The following NTSR1 variants were observed in gnomAD, a reference collection of about 807,000 sequenced individuals.
The protein encoded by NTSR1 is neurotensin receptor type 1.
A neutral mutation model predicts 31.2 loss-of-function variants in NTSR1; 29 were observed. The ratio of observed to expected loss-of-function variants is 0.93; its 90% CI spans 0.69 to 1.27. NTSR1 has a LOEUF of 1.27. Ranked by LOEUF, NTSR1 falls within the 50% of genes most tolerant of loss-of-function variation. The pLI is 0.00. For missense variants in NTSR1, 697 were observed against 595.4 expected (o/e 1.17, Z -1.78); for synonymous variants, 282 against 269.9 (o/e 1.04, Z -0.44).
chr20:62,729,269 A>T (rs941537644), intron 1 of NTSR1, among the ~76,000 whole-genome samples: 3 of 152,200 alleles, frequency 2.0e-5, no homozygotes, highest in Admixed American at 2.0e-4. Context: ...GGGAGAGAGT[A>T]GCTCCCTGGG....
intron 1 of NTSR1, among the ~76,000 whole-genome samples, chr20:62,710,714 G>A (rs1016922554): frequency 6.6e-6 from 1 of 152,218 alleles, no homozygotes; most frequent in African/African-American, 2.4e-5. Flanking sequence ...GTTTGGCTGA[G>A]GTTCGTGGCA....
At chr20:62,752,143 C>T (rs906556818) in intron 1 of NTSR1, among the ~76,000 whole-genome samples, 4 of 152,192 alleles carry the variant, frequency 2.6e-5, no homozygotes, top group Admixed American at 6.5e-5. Flanking sequence ...GTGATCTCAA[C>T]GGGTCCTTCT....
In NTSR1 at chr20:62,751,358, G is replaced by A. The variant is rs959360200; in HGVS notation, c.715-3327G>A. Among the ~76,000 whole-genome samples the A allele has an allele frequency of 5.9e-5, 9 of 152,234 alleles. No individual in the cohort carries two copies. In the East Asian group the frequency reaches 1.7e-3, roughly 29 times the overall value. ...TGGGGTAAGATCTCTATGAGTTAGG[G>A]TACTAACTCCAGGAACTAAGTCAAA... On this transcript the variant is annotated intron_variant, in intron 1 of 3. Coordinates refer to ENST00000370501, the MANE Select transcript of NTSR1 (RefSeq NM_002531.3).
Position 62,723,479 on chromosome 20 carries a change from G to A in NTSR1, c.714+13558G>A, listed in dbSNP as rs544145951. 8.5e-5 allele frequency among the ~76,000 whole-genome samples: 13 copies of A among 152,336 alleles called. No individual in the cohort carries two copies. In the East Asian group the frequency reaches 1.7e-3, roughly 20 times the overall value. ...AGGAACGCTCATTTGTCCACCTGTC[G>A]ACTTCAGGCTGCGTGCCCAGCAGGA... On this transcript the variant is annotated intron_variant, in intron 1 of 3. Transcript: ENST00000370501.
chr20:62,714,065 A>G lies in NTSR1; in HGVS notation c.714+4144A>G, dbSNP rs1222139720. Reference sequence around the variant, plus strand: ...CAGTGAGCCAAGATCACACCACTGCACTCCAGCCTGGGTGACAACTGTCTC... The same window carrying G: ...CAGTGAGCCAAGATCACACCACTGCGCTCCAGCCTGGGTGACAACTGTCTC... On this transcript the variant is annotated intron_variant, in intron 1 of 3. Coordinates refer to ENST00000370501, the MANE Select transcript of NTSR1 (RefSeq NM_002531.3). This position sits in a 1 kb window ranked among gnomAD's most constrained non-coding sequence, Gnocchi z 4.1. 6.6e-6 allele frequency among the ~76,000 whole-genome samples: 1 copy of G among 152,124 alleles called. No individual in the cohort carries two copies. Among genetic ancestry groups the G allele is most frequent in the Non-Finnish European group, 1.5e-5 (1 of 68,014 alleles).
Position 62,708,898 on chromosome 20 carries a change from C to A in NTSR1, c.-310C>A. On this transcript the variant is annotated 5_prime_UTR_variant, in exon 1 of 4. Coordinates refer to ENST00000370501, the MANE Select transcript of NTSR1 (RefSeq NM_002531.3). This position sits in a 1 kb window ranked among gnomAD's most constrained non-coding sequence, Gnocchi z 5.9. ...CTGTCCTCGGGGGCCTGGGGAACCG[C>A]GCGGTTTGGAGATCGGAGGCACCTG... The A allele has an allele frequency of 9.2e-6, 3 of 327,124 alleles. No homozygotes were observed. The highest frequency in any genetic ancestry group is 2.1e-5 in the African/African-American group (1 of 46,632). The allele number at this position is 327,124 out of a possible 1,614,324, so 20.3% of individuals were successfully genotyped here.
At position 62,709,574 on chromosome 20, in the gene NTSR1, G is replaced by C. The variant is rs1988556863; in HGVS notation, c.367G>C (p.Glu123Gln). ...CACCCTGCTGCTGGCCATGCCCGTG[G>C]AGCTGTACAACTTCATCTGGGTGCA... ...LLTLLLAMPV[E>Q]LYNFIWVHHP... Residue 123 changes from glutamate (E) to glutamine (Q), a missense_variant, in exon 1 of 4, where the codon GAG becomes CAG. Transcript: ENST00000370501. The C allele has an allele frequency of 1.2e-6, 2 of 1,611,698 alleles. No individual in the cohort carries two copies. Among genetic ancestry groups the C allele is most frequent in the Non-Finnish European group, 1.7e-6 (2 of 1,179,888 alleles).
In NTSR1 at chr20:62,709,590, T is replaced by TCTGG. The variant is rs1226989465; in HGVS notation, c.384_387dup (p.Val130LeufsTer204). ...ATGCCCGTGGAGCTGTACAACTTCA[T>TCTGG]CTGGGTGCACCACCCCTGGGCCTTC... On this transcript the variant is annotated frameshift_variant, in exon 1 of 4. Coordinates refer to ENST00000370501, the MANE Select transcript of NTSR1 (RefSeq NM_002531.3). LOFTEE classifies it high-confidence loss of function. 1 of 1,611,618 alleles carries TCTGG rather than the reference T, an allele frequency of 6.2e-7. No homozygotes were observed. The highest frequency in any genetic ancestry group is 1.1e-5 in the South Asian group (1 of 91,084).
Position 62,726,711 on chromosome 20 carries a change from G to T in NTSR1, c.714+16790G>T, listed in dbSNP as rs559870211. ...ACCTGTCTCAAAAAAAAAAAAAAATGGTGGGAATGGCTTCACAACTGTGGA... is the reference window on the plus strand; with the variant it reads ...ACCTGTCTCAAAAAAAAAAAAAAATTGTGGGAATGGCTTCACAACTGTGGA... On this transcript the variant is annotated intron_variant, in intron 1 of 3. Coordinates refer to ENST00000370501, the MANE Select transcript of NTSR1 (RefSeq NM_002531.3). Among the ~76,000 whole-genome samples the T allele has an allele frequency of 1.5e-3, 196 of 133,898 alleles. 3 individuals carry two copies. Among genetic ancestry groups the T allele is most frequent in the Middle Eastern group, 0.011 (3 of 262 alleles). The allele number at this position is 133,898 out of a possible 152,430, so 87.8% of individuals were successfully genotyped here.
At chr20:62,754,274 C>A (rs866196507) in intron 1 of NTSR1, among the ~76,000 whole-genome samples, 10 of 152,210 alleles carry the variant, frequency 6.6e-5, no homozygotes, top group African/African-American at 2.2e-4. Context: ...CAGGACGGGC[C>A]TTGGGGTGGG....
At chr20:62,734,502 G>A (rs554974639) in intron 1 of NTSR1, among the ~76,000 whole-genome samples, 24 of 152,300 alleles carry the variant, frequency 1.6e-4, no homozygotes, top group African/African-American at 5.1e-4. Flanking sequence ...CCCTGTGTCC[G>A]GGGCTGACCT....
In NTSR1 at chr20:62,717,192, G is replaced by A. The variant is rs1988745651; in HGVS notation, c.714+7271G>A. Among the ~76,000 whole-genome samples, 3 of 152,348 alleles carry A rather than the reference G, an allele frequency of 2.0e-5. No individual in the cohort carries two copies. In the South Asian group the frequency reaches 6.2e-4, roughly 32 times the overall value. ...AAGGTGAGAGCCCTGGGTCTGGAGT[G>A]CCACGTGGACCTGGCACAGGTTGGA... On this transcript the variant is annotated intron_variant, in intron 1 of 3. Coordinates refer to ENST00000370501, the MANE Select transcript of NTSR1 (RefSeq NM_002531.3).
chr20:62,760,656 C>G lies in NTSR1; in HGVS notation c.*389C>G, dbSNP rs1361137085. On this transcript the variant is annotated 3_prime_UTR_variant, in exon 4 of 4. Coordinates refer to ENST00000370501, the MANE Select transcript of NTSR1 (RefSeq NM_002531.3). The stretch of plus-strand genomic sequence containing the variant: ...GGGTGGGGCCGGGCCTCCGGCGGCC[C>G]GGCTGCTGTTCCCATGTCCACATCT... 5.6e-6 allele frequency: 1 copy of G among 179,750 alleles called. No individual in the cohort carries two copies. The highest frequency in any genetic ancestry group is 1.2e-5 in the Non-Finnish European group (1 of 84,258). 11.1% of individuals were successfully genotyped at this position (179,750 alleles called of 1,614,324 possible).
intron 1 of NTSR1, among the ~76,000 whole-genome samples, chr20:62,712,761 G>A (rs915419566): frequency 1.3e-5 from 2 of 152,218 alleles, no homozygotes; most frequent in Non-Finnish European, 1.5e-5. Flanking sequence ...GGCCCCACAC[G>A]GGCAGATGGC....
At chr20:62,740,269 G>A (rs556185329) in intron 1 of NTSR1, among the ~76,000 whole-genome samples, 5 of 152,128 alleles carry the variant, frequency 3.3e-5, no homozygotes, top group East Asian at 3.9e-4. Context: ...GGGCTCATTC[G>A]CAGCCATAGG....
At position 62,714,735 on chromosome 20, in the gene NTSR1, G is replaced by A. The variant is rs1379186314; in HGVS notation, c.714+4814G>A. ...AGAAACAGCTCCAAATAAACAACTCGTTCTGTTCTACAAACAGTGAGGGAA... is the reference window on the plus strand; with the variant it reads ...AGAAACAGCTCCAAATAAACAACTCATTCTGTTCTACAAACAGTGAGGGAA... On this transcript the variant is annotated intron_variant, in intron 1 of 3. Coordinates refer to ENST00000370501, the MANE Select transcript of NTSR1 (RefSeq NM_002531.3). The surrounding 1 kb of genome is among the most constrained non-coding windows in gnomAD (Gnocchi z 4.1). 1.3e-5 allele frequency among the ~76,000 whole-genome samples: 2 copies of A among 152,170 alleles called. No homozygotes were observed. Among genetic ancestry groups the A allele is most frequent in the Non-Finnish European group, 2.9e-5 (2 of 68,030 alleles).
rs938625654 is a variant in NTSR1, at chr20:62,708,869, G to A, written c.-339G>A. On this transcript the variant is annotated 5_prime_UTR_variant, in exon 1 of 4. Coordinates refer to ENST00000370501, the MANE Select transcript of NTSR1 (RefSeq NM_002531.3). This position sits in a 1 kb window ranked among gnomAD's most constrained non-coding sequence, Gnocchi z 5.9. The stretch of plus-strand genomic sequence containing the variant: ...GCCCCGCGCAGCCCGAGCCGGGCTG[G>A]GCGCTGTCCTCGGGGGCCTGGGGAA... The A allele has an allele frequency of 3.7e-6, 1 of 273,668 alleles. No individual in the cohort carries two copies. Among genetic ancestry groups the A allele is most frequent in the Non-Finnish European group, 6.8e-6 (1 of 147,284 alleles). 17.0% of individuals were successfully genotyped at this position (273,668 alleles called of 1,614,324 possible).
At chr20:62,722,130 G>T (rs893303639) in intron 1 of NTSR1, among the ~76,000 whole-genome samples, 2 of 152,174 alleles carry the variant, frequency 1.3e-5, no homozygotes, top group Non-Finnish European at 2.9e-5. Flanking sequence ...TTTGGAGAGG[G>T]TTGATTCTTA....
At position 62,733,022 on chromosome 20, in the gene NTSR1, G is replaced by C. The variant is rs570838981; in HGVS notation, c.715-21663G>C. ...CTGGAATGTTTCTCGGTGAGAAGCC[G>C]CCACGGGAGTCTGTGGACTTGTCAC... On this transcript the variant is annotated intron_variant, in intron 1 of 3. Transcript: ENST00000370501. This position sits in a 1 kb window ranked among gnomAD's most constrained non-coding sequence, Gnocchi z 5.2. 9 of 148,770 alleles carry C rather than the reference G, an allele frequency of 6.0e-5. No homozygotes were observed. The highest frequency in any genetic ancestry group is 2.2e-4 in the African/African-American group (9 of 40,318). The allele number at this position is 148,770 out of a possible 1,614,324, so 9.2% of individuals were successfully genotyped here. A position where few individuals can be genotyped will look rare whatever the true frequency, so the allele number is the denominator to read the frequency against.
Sources: allele counts gnomAD v4.1 joint callset (sites outside exome capture counted in the v4.1 genomes callset), GRCh38; gene constraint gnomAD v4.1.1; non-coding constraint Gnocchi (gnomAD v3.1); transcripts MANE v1.5; gene names NCBI Gene and HGNC (gene_info 2026-07-23, HGNC 2026-07-21).